Variants in ELAC1 observed in about 807,000 individuals in gnomAD.
ELAC1 encodes zinc phosphodiesterase ELAC protein 1.
A neutral mutation model predicts 25.8 loss-of-function variants in ELAC1; 19 were observed. The ratio of observed to expected loss-of-function variants is 0.74; its 90% CI spans 0.51 to 1.08. The LOEUF (loss-of-function observed/expected upper bound fraction) is 1.08. Among genes scored for constraint, ELAC1 ranks in the 50% least tolerant of loss-of-function variants. ELAC1 has a pLI of 0.00. For synonymous variants in ELAC1, 148 were observed against 160.9 expected (o/e 0.92, Z 0.61); for missense variants, 403 against 434.6 (o/e 0.93, Z 0.65).
rs1908148462 is a variant in ELAC1, at chr18:50,987,613, C to T, written c.*528C>T. ...GGGTTTGGCTAGGTGTTTATTTTAA[C>T]ATTTTATTAAACTTTCTATTTGGGT... is the stretch of plus-strand genomic sequence containing the variant. On this transcript the variant is annotated 3_prime_UTR_variant, in exon 4 of 4. Coordinates refer to ENST00000269466, the MANE Select transcript of ELAC1 (RefSeq NM_018696.3). The T allele has an allele frequency of 6.6e-6, 1 of 152,270 alleles. No homozygotes were observed. Among genetic ancestry groups the T allele is most frequent in the Non-Finnish European group, 1.5e-5 (1 of 68,078 alleles). The allele number at this position is 152,270 out of a possible 1,614,324, so 9.4% of individuals were successfully genotyped here. A position where few individuals can be genotyped will look rare whatever the true frequency, so the allele number is the denominator to read the frequency against.
At chr18:50,984,830 G>A (rs934775914) in intron 3 of ELAC1, 1 of 521,448 alleles carries the variant, frequency 1.9e-6, no homozygotes, top group Middle Eastern at 4.9e-4. Flanking sequence ...TACTTGGGGG[G>A]CTGAGGCAGG....
chr18:50,974,493 G>A lies in ELAC1; in HGVS notation c.89G>A (p.Gly30Asp), dbSNP rs1270557970. The A allele has an allele frequency of 1.2e-6, 2 of 1,612,004 alleles. No individual in the cohort carries two copies. Among genetic ancestry groups the A allele is most frequent in the East Asian group, 2.2e-5 (1 of 44,712 alleles). ...GASAVVLRCEGECWLFDCGEG... is the reference protein window; with the variant it reads ...GASAVVLRCEDECWLFDCGEG... ...TCTGCTGTGGTCCTTCGGTGTGAAG[G>A]CGAGTGCTGGCTCTTTGACTGTGGG... Residue 30 changes from glycine to aspartate, a missense_variant, in exon 2 of 4, where the codon GGC becomes GAC. Coordinates refer to ENST00000269466, the MANE Select transcript of ELAC1 (RefSeq NM_018696.3).
intron 1 of ELAC1, among the ~76,000 whole-genome samples, chr18:50,972,731 C>T (rs1907699681): frequency 6.6e-6 from 1 of 152,200 alleles, no homozygotes; most frequent in African/African-American, 2.4e-5. Context: ...GATCCACCCT[C>T]CTCAGCCTCC....
At chr18:50,976,720 C>T (rs759617975) in intron 2 of ELAC1, among the ~76,000 whole-genome samples, 6 of 152,160 alleles carry the variant, frequency 3.9e-5, no homozygotes, top group Non-Finnish European at 8.8e-5. Flanking sequence ...TCCCAATAGT[C>T]CCCCAAAGTC....
At chr18:50,970,532 G>T (rs1314004107) in intron 1 of ELAC1, among the ~76,000 whole-genome samples, 1 of 152,006 alleles carries the variant, frequency 6.6e-6, no homozygotes, top group Non-Finnish European at 1.5e-5. Context: ...ACATGAAAGG[G>T]ATGTTAGCAA....
At chr18:50,983,735 TC>T (rs1908022845) in intron 2 of ELAC1, among the ~76,000 whole-genome samples, 1 of 149,378 alleles carries the variant, frequency 6.7e-6, no homozygotes, top group South Asian at 2.1e-4. Context: ...GGGTCTGTAG[TC>T]CTAGCTACTT....
Position 50,979,033 on chromosome 18 carries a change from T to C in ELAC1, c.157+4472T>C, listed in dbSNP as rs184567168. On this transcript the variant is annotated intron_variant, in intron 2 of 3. Transcript: ENST00000269466. Reference sequence around the variant, plus strand: ...CCCTCTGGACAGGCACAGGCCAGAGTAGAGACTTGACAGTTAACATTTTAG... The same window carrying C: ...CCCTCTGGACAGGCACAGGCCAGAGCAGAGACTTGACAGTTAACATTTTAG... Among the ~76,000 whole-genome samples, 117 of 152,218 alleles carry C rather than the reference T, an allele frequency of 7.7e-4. 3 individuals carry two copies. Among genetic ancestry groups the C allele is most frequent in the South Asian group, 6.2e-4 (3 of 4,820 alleles).
Position 50,987,045 on chromosome 18 carries a change from C to A in ELAC1, c.1052C>A (p.Ala351Glu). 2 of 1,582,360 alleles carry A rather than the reference C, an allele frequency of 1.3e-6. No homozygotes were observed. The highest frequency in any genetic ancestry group is 2.3e-5 in the South Asian group (2 of 85,736). ...TTAGATCTCCAAGAAGTGACTCTAG[C>A]AGAAGATTTTATGGTGATAAGCATT... is the stretch of plus-strand genomic sequence containing the variant. ...SVLDLQEVTL[A>E]EDFMVISIPI... The change falls in exon 4 of 4, where the codon GCA (alanine) becomes GAA (glutamate). Residue 351 changes from alanine to glutamate, a missense_variant. Coordinates refer to ENST00000269466, the MANE Select transcript of ELAC1 (RefSeq NM_018696.3).
rs1291957671 is a variant in ELAC1, at chr18:50,984,308, G to T, written c.370G>T (p.Val124Phe). The change falls in exon 3 of 4, where the codon GTT becomes TTT. Residue 124 changes from valine to phenylalanine, a missense_variant. By Grantham distance (50) the Val-to-Phe change is conservative (BLOSUM62 -1). Transcript: ENST00000269466. ...CTTCCATTATGTGGTTCATGAACTGGTTCCTACAGCAGATCAATGTCCTGC... is the reference window on the plus strand; with the variant it reads ...CTTCCATTATGTGGTTCATGAACTGTTTCCTACAGCAGATCAATGTCCTGC... ...LVFHYVVHELVPTADQCPAEE... is the reference protein window; with the variant it reads ...LVFHYVVHELFPTADQCPAEE... The T allele has an allele frequency of 1.2e-6, 2 of 1,614,172 alleles. No individual in the cohort carries two copies. Among genetic ancestry groups the T allele is most frequent in the Non-Finnish European group, 1.7e-6 (2 of 1,180,024 alleles).
chr18:50,969,611 C>T (rs745902923), intron 1 of ELAC1: 1 of 152,244 alleles, frequency 6.6e-6, no homozygotes, highest in Non-Finnish European at 1.5e-5. Context: ...GCAATGATCA[C>T]TAGCGGCTGT....
In ELAC1 at chr18:50,984,253, A is replaced by G; in HGVS notation, c.315A>G (p.Arg105=). 6.2e-7 allele frequency: 1 copy of G among 1,614,198 alleles called. No individual in the cohort carries two copies. The highest frequency in any genetic ancestry group is 8.5e-7 in the Non-Finnish European group (1 of 1,180,036). Residue 105 remains arginine (R), a synonymous_variant, in exon 3 of 4, where the codon CGA becomes CGG. Transcript: ENST00000269466. The part of the protein sequence containing the change: ...GPVGLRDFIW[R]TMELSHTELV... Reference sequence around the variant, plus strand: ...TAGGGCTTCGGGACTTTATCTGGCGAACCATGGAACTCTCTCACACGGAGC... The same window carrying G: ...TAGGGCTTCGGGACTTTATCTGGCGGACCATGGAACTCTCTCACACGGAGC...
Position 50,988,058 on chromosome 18 carries a change from G to C in ELAC1, c.*973G>C, listed in dbSNP as rs1908160256. The stretch of plus-strand genomic sequence containing the variant: ...GCTTATGAACCTGGAGGTAAAAAAT[G>C]CTTATCTGTTAAACTGAGGTTTCAT... On this transcript the variant is annotated 3_prime_UTR_variant, in exon 4 of 4. Coordinates refer to ENST00000269466, the MANE Select transcript of ELAC1 (RefSeq NM_018696.3). The C allele has an allele frequency of 6.6e-6, 1 of 152,162 alleles. No individual in the cohort carries two copies. The highest frequency in any genetic ancestry group is 1.5e-5 in the Non-Finnish European group (1 of 68,030). The allele number at this position is 152,162 out of a possible 1,614,324, so 9.4% of individuals were successfully genotyped here.
chr18:50,975,746 A>T (rs529521384), intron 2 of ELAC1, among the ~76,000 whole-genome samples: 2 of 152,262 alleles, frequency 1.3e-5, no homozygotes, highest in Admixed American at 6.5e-5. Flanking sequence ...CTCTTGGTCC[A>T]GTGATGGAAA....
Position 50,984,148 on chromosome 18 carries a change from C to T in ELAC1, c.210C>T (p.Gly70=), listed in dbSNP as rs775806187. The change falls in exon 3 of 4, where the codon GGC becomes GGT. Residue 70 remains glycine, a synonymous_variant. Coordinates refer to ENST00000269466, the MANE Select transcript of ELAC1 (RefSeq NM_018696.3). ...ITHLHGDHFF[G]LPGLLCTISL... ...ACCTTCATGGAGACCATTTCTTTGG[C>T]CTTCCTGGGCTCCTCTGCACAATCA... The T allele has an allele frequency of 1.7e-5, 27 of 1,613,216 alleles. 1 individual carries two copies. In the South Asian group the frequency reaches 2.5e-4, roughly 15 times the overall value.
chr18:50,970,049 G>A (rs1907610152), intron 1 of ELAC1, among the ~76,000 whole-genome samples: 1 of 152,142 alleles, frequency 6.6e-6, no homozygotes, highest in Admixed American at 6.5e-5. Flanking sequence ...CTATCTAAAT[G>A]TTCTGGGATG....
In ELAC1 at chr18:50,987,727, G is replaced by C. The variant is rs1439466489; in HGVS notation, c.*642G>C. On this transcript the variant is annotated 3_prime_UTR_variant, in exon 4 of 4. Coordinates refer to ENST00000269466, the MANE Select transcript of ELAC1 (RefSeq NM_018696.3). ...TATGTTTTCTTGTCACAGTGACTGA[G>C]TACGGTGGTGGTAGTGGTGGTACTA... is the stretch of plus-strand genomic sequence containing the variant. The C allele has an allele frequency of 2.0e-5, 3 of 152,232 alleles. No homozygotes were observed. The highest frequency in any genetic ancestry group is 4.4e-5 in the Non-Finnish European group (3 of 68,046). 9.4% of individuals were successfully genotyped at this position (152,232 alleles called of 1,614,324 possible).
chr18:50,971,929 T>TA (rs1907668114), intron 1 of ELAC1, among the ~76,000 whole-genome samples: 2 of 145,828 alleles, frequency 1.4e-5, no homozygotes, highest in Admixed American at 1.4e-4. Flanking sequence ...TATATATATA[T>TA]ATATATATAT....
chr18:50,969,614 G>A (rs1195793118), intron 1 of ELAC1: 1 of 152,260 alleles, frequency 6.6e-6, no homozygotes, highest in Non-Finnish European at 1.5e-5. Flanking sequence ...ATGATCACTA[G>A]CGGCTGTTAA....
intron 1 of ELAC1, among the ~76,000 whole-genome samples, chr18:50,971,779 A>T (rs188787022): frequency 6.6e-6 from 1 of 151,388 alleles, no homozygotes; most frequent in East Asian, 1.9e-4. Flanking sequence ...TTTTAAATAG[A>T]TACACGATAG....
Sources: allele counts gnomAD v4.1 joint callset (sites outside exome capture counted in the v4.1 genomes callset), GRCh38; gene constraint gnomAD v4.1.1; transcripts MANE v1.5; gene names NCBI Gene and HGNC (gene_info 2026-07-23, HGNC 2026-07-21).